JAKMIP1: variants seen among roughly 807,000 people sequenced by gnomAD.
JAKMIP1 encodes the protein janus kinase and microtubule interacting protein 1.
A neutral mutation model predicts 113.0 loss-of-function variants in JAKMIP1; 33 were observed. The ratio of observed to expected loss-of-function variants is 0.29; its 90% CI spans 0.22 to 0.39. The LOEUF is 0.39. Among genes scored for constraint, JAKMIP1 ranks in the 10% least tolerant of loss-of-function variants. JAKMIP1 has a pLI of 1.00. For missense variants in JAKMIP1, 813 were observed against 1,080.5 expected, an observed-to-expected ratio of 0.75 and a Z score of 3.47; for synonymous variants, 480 against 459.9, an observed-to-expected ratio of 1.04 and a Z score of -0.56.
At position 6,192,160 on chromosome 4, in the gene JAKMIP1, T is replaced by C. The variant is rs892439632; in HGVS notation, c.-148+8093A>G. Among the ~76,000 whole-genome samples, 2 of 152,076 alleles carry C rather than the reference T, an allele frequency of 1.3e-5. No homozygotes were observed. The highest frequency in any genetic ancestry group is 4.8e-5 in the African/African-American group (2 of 41,408). ...GTTGGCCAGGCTGGTCTTGAACTCC[T>C]GACCTCAGGTGATCCACCCTCCTCA... On this transcript the variant is annotated intron_variant, in intron 1 of 20. Transcript: ENST00000409021. This position sits in a 1 kb window ranked among gnomAD's most constrained non-coding sequence, Gnocchi z 5.0.
intron 3 of JAKMIP1, among the ~76,000 whole-genome samples, chr4:6,095,551 C>G (rs1711590628): frequency 6.6e-6 from 1 of 152,186 alleles, no homozygotes; most frequent in Non-Finnish European, 1.5e-5. Context: ...CTTCTGTGTT[C>G]ACTTTCCCAA....
intron 1 of JAKMIP1, among the ~76,000 whole-genome samples, chr4:6,165,713 CA>C (rs1178928465): frequency 1.3e-5 from 2 of 152,128 alleles, no homozygotes; most frequent in Non-Finnish European, 2.9e-5. Context: ...ACTGGGAAAT[CA>C]AAAAATTCAT....
chr4:6,115,673 T>A (rs567548520), intron 1 of JAKMIP1, among the ~76,000 whole-genome samples: 5 of 152,330 alleles, frequency 3.3e-5, no homozygotes, highest in African/African-American at 1.2e-4. Flanking sequence ...TCTACTTCAA[T>A]GACTGCTTTT....
In JAKMIP1 at chr4:6,080,192, C is replaced by G. The variant is rs369894919; in HGVS notation, c.1222G>C (p.Val408Leu). 6.2e-7 allele frequency: 1 copy of G among 1,611,924 alleles called. No individual in the cohort carries two copies. Among genetic ancestry groups the G allele is most frequent in the African/African-American group, 1.3e-5 (1 of 75,038 alleles). The part of the protein sequence containing the change: ...LRLQVLEQQH[V>L]IDDLSLERER... ...TGTACCAGTGAGAGGTCGTCAATGA[C>G]GTGCTGCTGCTCCAGCACCTGCAGC... The change falls in exon 7 of 21, where the codon GTC becomes CTC. Residue 408 changes from valine (V) to leucine (L), a missense_variant. Around this residue, in one of 2 missense-constraint regions of JAKMIP1, gnomAD observed 540 missense variants for 653.9 expected, o/e 0.83. Transcript: ENST00000409021. The surrounding 1 kb of genome is among the most constrained non-coding windows in gnomAD (Gnocchi z 6.0).
rs1191189564 is a variant in JAKMIP1, at chr4:6,081,231, T to C, written c.1101+378A>G. 6.6e-6 allele frequency among the ~76,000 whole-genome samples: 1 copy of C among 152,220 alleles called. No homozygotes were observed. The highest frequency in any genetic ancestry group is 1.5e-5 in the Non-Finnish European group (1 of 68,036). On this transcript the variant is annotated intron_variant, in intron 6 of 20. Transcript: ENST00000409021. This position sits in a 1 kb window ranked among gnomAD's most constrained non-coding sequence, Gnocchi z 4.6. The stretch of plus-strand genomic sequence containing the variant: ...CATCGCCAGCGATCATTGTAACAGC[T>C]TTCACTTGCTGGGTGTCCTCTGGGC...
intron 12 of JAKMIP1, among the ~76,000 whole-genome samples, chr4:6,054,537 A>T (rs1272192040): frequency 1.3e-5 from 2 of 152,138 alleles, no homozygotes; most frequent in Admixed American, 1.3e-4. Context: ...GGTCTTTCCA[A>T]CTCAAGCCCC....
In JAKMIP1 at chr4:6,068,529, T is replaced by C. The variant is rs554149493; in HGVS notation, c.1303-3521A>G. Among the ~76,000 whole-genome samples the C allele has an allele frequency of 2.0e-5, 3 of 151,308 alleles. No individual in the cohort carries two copies. In the Admixed American group the frequency reaches 2.0e-4, roughly 10 times the overall value. On this transcript the variant is annotated intron_variant, in intron 8 of 20. Transcript: ENST00000409021. ...TCTGGGACCCAACCCCTCAGGTTTT[T>C]ATGCTGGGTATTTTTAAAAATTTTT...
intron 5 of JAKMIP1, among the ~76,000 whole-genome samples, chr4:6,083,402 C>CAAA (rs77719269): frequency 3.6e-5 from 4 of 109,940 alleles, no homozygotes; most frequent in African/African-American, 9.9e-5. Context: ...GACTCCACCT[C>CAAA]AAAAAAAAAA....
In JAKMIP1 at chr4:6,093,985, CCAAG is replaced by C. The variant is rs1167476305; in HGVS notation, c.625-8360_625-8357del. On this transcript the variant is annotated intron_variant, in intron 3 of 20. Transcript: ENST00000409021. The surrounding 1 kb of genome is among the most constrained non-coding windows in gnomAD (Gnocchi z 4.6). The stretch of plus-strand genomic sequence containing the variant: ...CCCCAGATGTCCTGCCCTTCACCTC[CCAAG>C]CAGAGATCACATGGGAGCGGGTGTC... 2.0e-5 allele frequency among the ~76,000 whole-genome samples: 3 copies of C among 151,974 alleles called. No homozygotes were observed. Among genetic ancestry groups the C allele is most frequent in the Non-Finnish European group, 4.4e-5 (3 of 68,006 alleles).
At position 6,116,391 on chromosome 4, in the gene JAKMIP1, G is replaced by A. The variant is rs895406407; in HGVS notation, c.-147-3394C>T. Among the ~76,000 whole-genome samples, 4 of 152,028 alleles carry A rather than the reference G, an allele frequency of 2.6e-5. No individual in the cohort carries two copies. The highest frequency in any genetic ancestry group is 9.7e-5 in the African/African-American group (4 of 41,392). The stretch of plus-strand genomic sequence containing the variant: ...CAAGCAGGAGATGGCACAGCCCACT[G>A]TCGAGGAAGGAGCACAGCACTGGCT... On this transcript the variant is annotated intron_variant, in intron 1 of 20. Coordinates refer to ENST00000409021, the MANE Select transcript of JAKMIP1 (RefSeq NM_001099433.2). The surrounding 1 kb of genome is among the most constrained non-coding windows in gnomAD (Gnocchi z 5.1).
Position 6,181,045 on chromosome 4 carries a change from C to G in JAKMIP1, c.-148+19208G>C, listed in dbSNP as rs1267359836. Among the ~76,000 whole-genome samples, 1 of 152,064 alleles carries G rather than the reference C, an allele frequency of 6.6e-6. No individual in the cohort carries two copies. The highest frequency in any genetic ancestry group is 1.5e-5 in the Non-Finnish European group (1 of 68,020). ...AAGAGACTAGCAAGTAACCACACCA[C>G]CAAGAACAAGAAGGGGTAGTCAGTG... On this transcript the variant is annotated intron_variant, in intron 1 of 20. Transcript: ENST00000409021. This position sits in a 1 kb window ranked among gnomAD's most constrained non-coding sequence, Gnocchi z 5.4.
chr4:6,112,823 C>T lies in JAKMIP1; in HGVS notation c.28G>A (p.Glu10Lys). The change falls in exon 2 of 21, where the codon GAG becomes AAG. Residue 10 changes from glutamate (E) to lysine (K), a missense_variant. Glu to Lys is a moderately conservative substitution (Grantham distance 56, BLOSUM62 1). This residue lies in a region of JAKMIP1 where 540 missense variants were observed against 653.9 expected (regional missense o/e 0.83). Transcript: ENST00000409021. ...GCGTCCGTCTCCATCTCGGGCTTCTCGCCCTTGCTCCGGCCTTTCTTCGAC... is the reference window on the plus strand; with the variant it reads ...GCGTCCGTCTCCATCTCGGGCTTCTTGCCCTTGCTCCGGCCTTTCTTCGAC... MSKKGRSKGEKPEMETDAVQ... is the reference protein window; with the variant it reads MSKKGRSKGKKPEMETDAVQ... 4 of 1,614,066 alleles carry T rather than the reference C, an allele frequency of 2.5e-6. No homozygotes were observed. Among genetic ancestry groups the T allele is most frequent in the South Asian group, 1.1e-5 (1 of 91,082 alleles).
At position 6,071,368 on chromosome 4, in the gene JAKMIP1, C is replaced by T. The variant is rs186689766; in HGVS notation, c.1303-6360G>A. On this transcript the variant is annotated intron_variant, in intron 8 of 20. Transcript: ENST00000409021. Reference sequence around the variant, plus strand: ...CTTGAGACAGAGGGGCCTGGAGGGGCGGGGCTGCAATCTGGAACCTTTGCC... The same window carrying T: ...CTTGAGACAGAGGGGCCTGGAGGGGTGGGGCTGCAATCTGGAACCTTTGCC... 2.4e-4 allele frequency among the ~76,000 whole-genome samples: 37 copies of T among 152,078 alleles called. 1 individual carries two copies. Among genetic ancestry groups the T allele is most frequent in the Non-Finnish European group, 4.0e-4 (27 of 68,014 alleles).
Position 6,199,047 on chromosome 4 carries a change from G to T in JAKMIP1, c.-148+1206C>A, listed in dbSNP as rs143471063. On this transcript the variant is annotated intron_variant, in intron 1 of 20. Coordinates refer to ENST00000409021, the MANE Select transcript of JAKMIP1 (RefSeq NM_001099433.2). This position sits in a 1 kb window ranked among gnomAD's most constrained non-coding sequence, Gnocchi z 5.6. ...TAACAGCATCCTGGGACAGCGCCACGTTCCAGGAAAGCTCAGGAGGGGCAA... is the reference window on the plus strand; with the variant it reads ...TAACAGCATCCTGGGACAGCGCCACTTTCCAGGAAAGCTCAGGAGGGGCAA... Among the ~76,000 whole-genome samples the T allele has an allele frequency of 1.6e-3, 243 of 152,398 alleles. 1 individual carries two copies. Among genetic ancestry groups the T allele is most frequent in the African/African-American group, 4.4e-3 (181 of 41,604 alleles).
intron 2 of JAKMIP1, 78 bp downstream of exon 2, chr4:6,112,644 A>C: frequency 6.5e-7 from 1 of 1,527,996 alleles, no homozygotes. Context: ...CAGGCTCTTC[A>C]CACACATGCC....
rs1404239689 is a variant in JAKMIP1, at chr4:6,200,008, T to G, written c.-148+245A>C. On this transcript the variant is annotated intron_variant, in intron 1 of 20. Transcript: ENST00000409021. This position sits in a 1 kb window ranked among gnomAD's most constrained non-coding sequence, Gnocchi z 7.0. ...AAGCGACGCAGCGGCTGGGAGATTT[T>G]GCAAGGGGGTCTGAAGAGGAGTGGG... Among the ~76,000 whole-genome samples the G allele has an allele frequency of 9.7e-6, 1 of 103,030 alleles. No individual in the cohort carries two copies. Among genetic ancestry groups the G allele is most frequent in the Non-Finnish European group, 1.9e-5 (1 of 52,450 alleles). 67.6% of individuals were successfully genotyped at this position (103,030 alleles called of 152,430 possible).
intron 1 of JAKMIP1, among the ~76,000 whole-genome samples, chr4:6,198,869 C>T (rs773540174): frequency 1.4e-4 from 21 of 152,244 alleles, no homozygotes; most frequent in Admixed American, 4.6e-4. Flanking sequence ...CATGGCCTCG[C>T]CCTCCACACC....
rs931826491 is a variant in JAKMIP1, at chr4:6,065,625, T to C, written c.1303-617A>G. Among the ~76,000 whole-genome samples, 3 of 152,190 alleles carry C rather than the reference T, an allele frequency of 2.0e-5. No individual in the cohort carries two copies. Among genetic ancestry groups the C allele is most frequent in the Non-Finnish European group, 4.4e-5 (3 of 68,042 alleles). Reference sequence around the variant, plus strand: ...GAGGCAATCTCTGCTTAACTTTTTATTATAGAAAACTGGGAAGATTCACAG... The same window carrying C: ...GAGGCAATCTCTGCTTAACTTTTTACTATAGAAAACTGGGAAGATTCACAG... On this transcript the variant is annotated intron_variant, in intron 8 of 20. Transcript: ENST00000409021. The surrounding 1 kb of genome is among the most constrained non-coding windows in gnomAD (Gnocchi z 5.1).
rs1310706963 is a variant in JAKMIP1, at chr4:6,194,056, GATCTGGTTCTAC to G, written c.-148+6185_-148+6196del. 3.3e-5 allele frequency among the ~76,000 whole-genome samples: 5 copies of G among 152,044 alleles called. No individual in the cohort carries two copies. Among genetic ancestry groups the G allele is most frequent in the Admixed American group, 3.3e-4 (5 of 15,280 alleles). On this transcript the variant is annotated intron_variant, in intron 1 of 20. Transcript: ENST00000409021. The surrounding 1 kb of genome is among the most constrained non-coding windows in gnomAD (Gnocchi z 7.4). ...TAAGTGGAAGAAGCCAGCCACATAC[GATCTGGTTCTAC>G]ATCTGTGAAATATCCAGAACAGGCA...
Sources: allele counts gnomAD v4.1 joint callset (sites outside exome capture counted in the v4.1 genomes callset), GRCh38; gene constraint gnomAD v4.1.1; regional missense constraint gnomAD v4.1.1; non-coding constraint Gnocchi (gnomAD v3.1); transcripts MANE v1.5; gene names NCBI Gene and HGNC (gene_info 2026-07-23, HGNC 2026-07-21).